The following GALNT2 variants were observed in gnomAD, a reference collection of about 807,000 sequenced individuals.
The protein encoded by GALNT2 is polypeptide N-acetylgalactosaminyltransferase 2.
Under a neutral mutation model 81.4 loss-of-function variants are expected in GALNT2, and 31 were observed. That is an observed-to-expected ratio of 0.38 (90% CI 0.29 to 0.51). The LOEUF (loss-of-function observed/expected upper bound fraction) is 0.51. Ranked by LOEUF, GALNT2 falls within the 20% of genes least tolerant of loss-of-function variation. The probability of loss-of-function intolerance (pLI) is 0.87; values close to 1 mark genes in which losing one functional copy is unlikely to be tolerated. For missense variants in GALNT2, 629 were observed against 765.7 expected, an observed-to-expected ratio of 0.82 and a Z score of 2.11; for synonymous variants, 303 against 287.4, an observed-to-expected ratio of 1.05 and a Z score of -0.55.
intron 6 of GALNT2, among the ~76,000 whole-genome samples, chr1:230,241,500 G>T (rs979692264): frequency 1.3e-5 from 2 of 151,978 alleles, no homozygotes; most frequent in African/African-American, 4.8e-5. Flanking sequence ...AGGCTGGAGT[G>T]CAGTGGTGTG....
intron 1 of GALNT2, among the ~76,000 whole-genome samples, chr1:230,115,098 C>T (rs187132874): frequency 6.6e-5 from 10 of 151,704 alleles, no homozygotes; most frequent in African/African-American, 1.7e-4. Flanking sequence ...CTCTGCCACC[C>T]GGGTTCAAGC....
intron 2 of GALNT2, among the ~76,000 whole-genome samples, chr1:230,188,268 A>C (rs1283687108): frequency 6.6e-6 from 1 of 152,198 alleles, no homozygotes; most frequent in Non-Finnish European, 1.5e-5. Flanking sequence ...TTATTGTTTT[A>C]ACTCTATTTC....
chr1:230,156,127 G>A (rs994087157), intron 1 of GALNT2, among the ~76,000 whole-genome samples: 5 of 151,970 alleles, frequency 3.3e-5, no homozygotes, highest in Admixed American at 2.6e-4. Context: ...GGAATACCAC[G>A]TAGACCTGGC....
intron 1 of GALNT2, among the ~76,000 whole-genome samples, chr1:230,060,784 AT>A (rs1659028241): frequency 6.6e-6 from 1 of 152,242 alleles, no homozygotes; most frequent in East Asian, 1.9e-4. Flanking sequence ...TTTATTTATT[AT>A]CATTGTGTAT....
chr1:230,220,657 A>G (rs1664519337), intron 3 of GALNT2, among the ~76,000 whole-genome samples: 2 of 152,140 alleles, frequency 1.3e-5, no homozygotes, highest in Non-Finnish European at 2.9e-5. Flanking sequence ...TGACTGTAGA[A>G]TCCTGTCTGC....
intron 9 of GALNT2, 29 bp downstream of exon 9, chr1:230,249,300 C>T: frequency 6.3e-7 from 1 of 1,595,672 alleles, no homozygotes; most frequent in Non-Finnish European, 8.6e-7. Context: ...CAGGGTGCCC[C>T]TCCCAGATGA....
At chr1:230,135,135 A>T (rs760036619) in intron 1 of GALNT2, among the ~76,000 whole-genome samples, 1 of 151,930 alleles carries the variant, frequency 6.6e-6, no homozygotes, top group Admixed American at 6.6e-5. Flanking sequence ...TGCATTCCCC[A>T]TTTCAGAGAT....
chr1:230,095,537 A>G (rs942627368), intron 1 of GALNT2, among the ~76,000 whole-genome samples: 6 of 152,134 alleles, frequency 3.9e-5, no homozygotes, highest in African/African-American at 1.4e-4. Flanking sequence ...TCCACTCTCC[A>G]GATGAGGTTT....
intron 1 of GALNT2, among the ~76,000 whole-genome samples, chr1:230,155,871 A>G (rs72760066): frequency 0.094 from 14,366 of 152,144 alleles, 872 homozygotes; most frequent in South Asian, 0.19. Context: ...GTGGAGGACA[A>G]AAGCCTTGCT....
intron 3 of GALNT2, among the ~76,000 whole-genome samples, chr1:230,231,708 A>C (rs1461352664): frequency 1.3e-5 from 2 of 152,202 alleles, no homozygotes; most frequent in African/African-American, 4.8e-5. Context: ...GAGAAATTTA[A>C]AGCTAAATAA....
chr1:230,114,025 C>T (rs140285857), intron 1 of GALNT2, among the ~76,000 whole-genome samples: 3 of 152,256 alleles, frequency 2.0e-5, no homozygotes, highest in Non-Finnish European at 4.4e-5. Context: ...AAAACCCTTG[C>T]GTTCCCAGCC....
At chr1:230,216,634 C>T (rs1440001172) in intron 3 of GALNT2, among the ~76,000 whole-genome samples, 2 of 152,078 alleles carry the variant, frequency 1.3e-5, no homozygotes, top group Non-Finnish European at 2.9e-5. Context: ...TGCTATGTTG[C>T]CCACACTGGC....
At chr1:230,256,586 C>G (rs923998772) in intron 11 of GALNT2, among the ~76,000 whole-genome samples, 1 of 152,122 alleles carries the variant, frequency 6.6e-6, no homozygotes, top group Non-Finnish European at 1.5e-5. Context: ...CACAAGACAT[C>G]GTGACACAGA....
chr1:230,136,690 C>T (rs2102819224), intron 1 of GALNT2, among the ~76,000 whole-genome samples: 1 of 152,310 alleles, frequency 6.6e-6, no homozygotes. Flanking sequence ...GGGCAACGTT[C>T]CGCTTTGATG....
intron 3 of GALNT2, among the ~76,000 whole-genome samples, chr1:230,209,111 C>A (rs79889421): frequency 6.6e-6 from 1 of 151,950 alleles, no homozygotes; most frequent in East Asian, 1.9e-4. Flanking sequence ...TACCTGCCTT[C>A]TCCATCAGCC....
intron 10 of GALNT2, among the ~76,000 whole-genome samples, chr1:230,253,504 GCA>G (rs1212353189): frequency 2.0e-5 from 3 of 152,172 alleles, no homozygotes; most frequent in African/African-American, 7.2e-5. Context: ...GACAGTGACT[GCA>G]CACTCTGTAG....
intron 9 of GALNT2, among the ~76,000 whole-genome samples, chr1:230,249,672 A>G (rs1665482866): frequency 1.3e-5 from 1 of 78,506 alleles, no homozygotes; most frequent in Admixed American, 1.5e-4. Context: ...GCCCATGCTC[A>G]TGAAGCCCAT....
intron 3 of GALNT2, among the ~76,000 whole-genome samples, chr1:230,211,511 A>G (rs1664233654): frequency 6.6e-6 from 1 of 152,194 alleles, no homozygotes. Context: ...AATTTTATTT[A>G]AGGCTGGGCA....
At chr1:230,064,771 C>T (rs767402124), upstream of GALNT2, among the ~76,000 whole-genome samples, 2 of 152,342 alleles carry the variant, frequency 1.3e-5, no homozygotes, top group Non-Finnish European at 2.9e-5. Flanking sequence ...TCTGGCCTCC[C>T]AAAGTGCTGG....
Sources: allele counts gnomAD v4.1 joint callset (sites outside exome capture counted in the v4.1 genomes callset), GRCh38; gene constraint gnomAD v4.1.1; transcripts MANE v1.5; gene names NCBI Gene and HGNC (gene_info 2026-07-23, HGNC 2026-07-21).